The following CDCA5 variants were observed in gnomAD, a reference collection of about 807,000 sequenced individuals.
CDCA5 encodes cell division cycle associated 5, also known as sororin.
Under a neutral mutation model 25.7 loss-of-function variants are expected in CDCA5, and 14 were observed. That is an observed-to-expected ratio of 0.54 (90% confidence interval 0.36 to 0.85). CDCA5 has a LOEUF of 0.85. CDCA5 is among the 40% of genes least tolerant of loss of function. The probability of loss-of-function intolerance (pLI) is 0.01; values close to 1 mark genes in which losing one functional copy is unlikely to be tolerated. For missense variants in CDCA5, 307 were observed against 324.5 expected, an observed-to-expected ratio of 0.95 and a Z score of 0.41; for synonymous variants, 127 against 128.7, an observed-to-expected ratio of 0.99 and a Z score of 0.09.
chr11:65,066,676 T>C (rs1390138048), exon 6 of CDCA5: 1 of 1,288,838 alleles, frequency 7.8e-7, no homozygotes, highest in South Asian at 1.2e-5. Flanking sequence ...TACAATAAGG[T>C]GGGCTGGACA....
chr11:65,074,272 C>A (rs1474408626), downstream of CDCA5, among the ~76,000 whole-genome samples: 2 of 152,256 alleles, frequency 1.3e-5, no homozygotes, highest in South Asian at 2.1e-4. Flanking sequence ...GGGGTTTCAC[C>A]ATGTTGGCCA....
intron 4 of CDCA5, among the ~76,000 whole-genome samples, chr11:65,081,536 C>T (rs1947566783): frequency 6.6e-6 from 1 of 152,104 alleles, no homozygotes; most frequent in Non-Finnish European, 1.5e-5. Flanking sequence ...CTTTATCCTG[C>T]TCGATGTACC....
downstream of CDCA5, chr11:65,066,329 G>GGGAGGAGCTGGCT (rs1947234487): frequency 8.5e-7 from 1 of 1,171,216 alleles, no homozygotes; most frequent in African/African-American, 1.6e-5. Flanking sequence ...CTGGGATCTA[G>GGGAGGAGCTGGCT]GGAGGAGCTG....
chr11:65,079,745 C>T lies in CDCA5; in HGVS notation c.286G>A (p.Glu96Lys). The change falls in exon 5 of 6, where the codon GAG becomes AAG. Residue 96 changes from glutamate to lysine, a missense_variant. Coordinates refer to ENST00000275517, the MANE Select transcript of CDCA5 (RefSeq NM_080668.4). ...LEKENEPPGR[E>K]LTKEDLFKTH... The stretch of plus-strand genomic sequence containing the variant: ...TTGAAAAGGTCCTCCTTAGTAAGCT[C>T]CCTGCCAGGGGGCTCGTTTTCTTTC... 6.7e-7 allele frequency: 1 copy of T among 1,499,460 alleles called. No homozygotes were observed. Among genetic ancestry groups the T allele is most frequent in the South Asian group, 1.4e-5 (1 of 73,524 alleles). The allele number at this position is 1,499,460 out of a possible 1,614,324, so 92.9% of individuals were successfully genotyped here. A position where few individuals can be genotyped will look rare whatever the true frequency, so the allele number is the denominator to read the frequency against.
intron 4 of CDCA5, 88 bp downstream of exon 4, chr11:65,083,276 C>A: frequency 6.6e-7 from 1 of 1,506,374 alleles, no homozygotes; most frequent in Non-Finnish European, 9.2e-7. Flanking sequence ...AAAACAGCTC[C>A]CTGGGCAGAT....
intron 6 of CDCA5, chr11:65,066,485 G>C (rs1156234636): frequency 1.6e-6 from 2 of 1,288,886 alleles, no homozygotes; most frequent in Admixed American, 4.6e-5. Flanking sequence ...TGCAGGCAGA[G>C]ACAGCTCGAG....
intron 5 of CDCA5, 59 bp downstream of exon 5, chr11:65,079,294 C>T: frequency 6.2e-7 from 1 of 1,612,898 alleles, no homozygotes; most frequent in Non-Finnish European, 8.5e-7. Flanking sequence ...GAGCCAGAGC[C>T]CCAGCCCTGC....
In CDCA5 at chr11:65,079,533, A is replaced by G. The variant is rs759772005; in HGVS notation, c.498T>C (p.Phe166=). 3 of 1,614,158 alleles carry G rather than the reference A, an allele frequency of 1.9e-6. No homozygotes were observed. The highest frequency in any genetic ancestry group is 2.5e-6 in the Non-Finnish European group (3 of 1,180,010). The change falls in exon 5 of 6, where the codon TTT becomes TTC. Residue 166 remains phenylalanine (F), a synonymous_variant. Coordinates refer to ENST00000275517, the MANE Select transcript of CDCA5 (RefSeq NM_080668.4). ...CTGCCCCCAGCAGCCCCTCGAAGCC[A>G]AAGCAGGACCGGCGGCCTGGGGTGG... The part of the protein sequence containing the change: ...STSTPGRRSC[F]GFEGLLGAED...
chr11:65,063,989 C>A (rs2137052351), downstream of CDCA5, among the ~76,000 whole-genome samples: 1 of 152,302 alleles, frequency 6.6e-6, no homozygotes, highest in Non-Finnish European at 1.5e-5. Context: ...GGCCAGGATG[C>A]ATTCGAATCT....
At chr11:65,068,083 C>T (rs1487011886) in exon 3 of CDCA5, 68 of 1,289,214 alleles carry the variant, frequency 5.3e-5, no homozygotes, top group African/African-American at 2.1e-4. Context: ...TAAACAGGAA[C>T]GTGACGGTGG....
At chr11:65,064,255 A>G (rs775192185), downstream of CDCA5, among the ~76,000 whole-genome samples, 7 of 152,054 alleles carry the variant, frequency 4.6e-5, no homozygotes, top group Non-Finnish European at 8.8e-5. Context: ...CGTCTCTACT[A>G]AAAATATAAA....
At chr11:65,066,908 C>G (rs1394176502) in intron 4 of CDCA5, 1 of 1,287,436 alleles carries the variant, frequency 7.8e-7, no homozygotes, top group Admixed American at 2.3e-5. Context: ...CCCCTCCCAC[C>G]TCAGCCAGGC....
chr11:65,063,242 C>T (rs1422855868), downstream of CDCA5, among the ~76,000 whole-genome samples: 4 of 152,200 alleles, frequency 2.6e-5, no homozygotes, highest in Admixed American at 2.6e-4. Context: ...ACTTTCAGTG[C>T]TGGGTGTTCC....
downstream of CDCA5, among the ~76,000 whole-genome samples, chr11:65,061,370 C>T (rs35661464): frequency 0.28 from 43,167 of 152,012 alleles, 6,630 homozygotes; most frequent in East Asian, 0.65. Context: ...CACGAGAGTC[C>T]CTCAGCCAGT....
At chr11:65,082,750 C>G (rs983830523) in intron 4 of CDCA5, among the ~76,000 whole-genome samples, 1 of 152,076 alleles carries the variant, frequency 6.6e-6, no homozygotes, top group East Asian at 1.9e-4. Flanking sequence ...GCGTGAGCCA[C>G]TGCACCCGGC....
At chr11:65,070,393 C>T (rs1947317613) in intron 1 of CDCA5, among the ~76,000 whole-genome samples, 1 of 152,222 alleles carries the variant, frequency 6.6e-6, no homozygotes, top group Admixed American at 6.5e-5. Context: ...GTGGTATGGG[C>T]TGGGTACCAG....
intron 1 of CDCA5, among the ~76,000 whole-genome samples, chr11:65,068,977 C>CGCCTGTA (rs1407146370): frequency 3.3e-5 from 5 of 152,310 alleles, no homozygotes; most frequent in Admixed American, 2.6e-4. Context: ...CAGTGGCTCA[C>CGCCTGTA]GCCTGTAATC....
Position 65,078,123 on chromosome 11 carries a change from T to A in CDCA5, c.*984A>T, listed in dbSNP as rs1947483454. ...CGCTGTCTGGTACGCGAGGAAACTTTCCGAGGACTTTACAAGCATAGTTGC... is the reference window on the plus strand; with the variant it reads ...CGCTGTCTGGTACGCGAGGAAACTTACCGAGGACTTTACAAGCATAGTTGC... On this transcript the variant is annotated 3_prime_UTR_variant, in exon 6 of 6. Coordinates refer to ENST00000275517, the MANE Select transcript of CDCA5 (RefSeq NM_080668.4). 1 of 985,062 alleles carries A rather than the reference T, an allele frequency of 1.0e-6. No individual in the cohort carries two copies. The allele number at this position is 985,062 out of a possible 1,614,324, so 61.0% of individuals were successfully genotyped here.
At chr11:65,082,574 T>C (rs982713956) in intron 4 of CDCA5, among the ~76,000 whole-genome samples, 1 of 150,710 alleles carries the variant, frequency 6.6e-6, no homozygotes, top group Admixed American at 6.6e-5. Flanking sequence ...GCGATTCTCC[T>C]GCCTCAGCCT....
Sources: gnomAD v4.1 joint callset for allele counts (sites outside exome capture counted in the v4.1 genomes callset) on GRCh38, gnomAD v4.1.1 for gene constraint, MANE v1.5 for transcripts, NCBI Gene and HGNC (gene_info 2026-07-23, HGNC 2026-07-21) for gene names.